Variants in PNPLA7 observed in about 807,000 individuals in gnomAD.
The protein encoded by PNPLA7 is patatin-like phospholipase domain-containing protein 7.
A neutral mutation model predicts 161.7 loss-of-function variants in PNPLA7; 153 were observed. The observed-to-expected ratio is 0.95, with a 90% CI of 0.83 to 1.08. The LOEUF is 1.08. Among genes scored for constraint, PNPLA7 ranks in the 50% least tolerant of loss-of-function variants. The pLI is 0.00. For missense variants in PNPLA7, 1,739 were observed against 1,856.6 expected, an observed-to-expected ratio of 0.94 and a Z score of 1.16; for synonymous variants, 809 against 782.1, an observed-to-expected ratio of 1.03 and a Z score of -0.57.
At chr9:137,509,714 C>A (rs1335262538) in intron 12 of PNPLA7, 2 of 455,516 alleles carry the variant, frequency 4.4e-6, no homozygotes, top group Admixed American at 4.7e-5. Context: ...ACAGCACAGG[C>A]ATGGAGCAGC....
chr9:137,515,444 C>T lies in PNPLA7; in HGVS notation c.1160G>A (p.Arg387His), dbSNP rs777949230. ...CTCCAGCTCCTCCAAGATCTGTTTG[C>T]GAATGGAAGGCGCGGGGACGGAGTG... ...RSHSVPAPSI[R>H]KQILEELEKP... Residue 387 changes from arginine (R) to histidine (H), a missense_variant, in exon 12 of 35, where the codon CGC (arginine) becomes CAC (histidine). Around this residue, in one of 6 missense-constraint regions of PNPLA7, gnomAD observed 481 missense variants for 450.0 expected, o/e 1.07. Transcript: ENST00000406427. 11 of 1,600,146 alleles carry T rather than the reference C, an allele frequency of 6.9e-6. No homozygotes were observed. Among genetic ancestry groups the T allele is most frequent in the East Asian group, 4.5e-5 (2 of 44,452 alleles).
chr9:137,526,105 ATTC>A (rs765920802), intron 8 of PNPLA7, among the ~76,000 whole-genome samples: 9 of 151,978 alleles, frequency 5.9e-5, no homozygotes, highest in Non-Finnish European at 1.0e-4. Flanking sequence ...CAGTATAACT[ATTC>A]TTATTCTGTA....
chr9:137,500,568 A>G lies in PNPLA7; in HGVS notation c.1757+123T>C. The G allele has an allele frequency of 1.1e-6, 1 of 932,336 alleles. No individual in the cohort carries two copies. Among genetic ancestry groups the G allele is most frequent in the Non-Finnish European group, 1.6e-6 (1 of 624,994 alleles). The allele number at this position is 932,336 out of a possible 1,614,324, so 57.8% of individuals were successfully genotyped here. A position where few individuals can be genotyped will look rare whatever the true frequency, so the allele number is the denominator to read the frequency against. ...GGGCCCACACAGGTGCCGGGGACAA[A>G]GAGGGGAGCCCGAGAAGCAGGGAAG... On this transcript the variant is annotated intron_variant, in intron 16 of 34. Transcript: ENST00000406427. The surrounding 1 kb of genome is among the most constrained non-coding windows in gnomAD (Gnocchi z 5.5).
chr9:137,477,982 G>T, intron 25 of PNPLA7, 52 bp downstream of exon 25: 2 of 1,261,464 alleles, frequency 1.6e-6, no homozygotes, highest in South Asian at 2.9e-5. Flanking sequence ...CCGAGGGGGC[G>T]ACTGTCACCA....
chr9:137,498,117 T>C lies in PNPLA7; in HGVS notation c.1886A>G (p.Tyr629Cys). 4.3e-6 allele frequency: 7 copies of C among 1,612,934 alleles called. No homozygotes were observed. The highest frequency in any genetic ancestry group is 5.1e-6 in the Non-Finnish European group (6 of 1,179,916). Residue 629 changes from tyrosine (Y) to cysteine (C), a missense_variant, in exon 17 of 35, where the codon TAC becomes TGC. This residue lies in a region of PNPLA7 where 481 missense variants were observed against 450.0 expected (regional missense o/e 1.07). Coordinates refer to ENST00000406427, the MANE Select transcript of PNPLA7 (RefSeq NM_001098537.3). ...TGTGTGGCACCCACGGCCTCACCTG[T>C]ATATTGCTCGCCCGGCCTCCACCTC... is the stretch of plus-strand genomic sequence containing the variant. ...WVEVEAGRAIYRQGDKSDCTY... is the reference protein window; with the variant it reads ...WVEVEAGRAICRQGDKSDCTY...
In PNPLA7 at chr9:137,495,218, C is replaced by T. The variant is rs562939621; in HGVS notation, c.2014-72G>A. On this transcript the variant is annotated intron_variant, in intron 18 of 34. Transcript: ENST00000406427. ...AGCCAGCTGGACCTGTCCCTGACAG[C>T]CTCCGGTGCCTGCCAGAGCCACACA... 20 of 1,083,016 alleles carry T rather than the reference C, an allele frequency of 1.8e-5. No homozygotes were observed. The East Asian group carries it at 4.9e-4, about 26-fold the overall frequency. The allele number at this position is 1,083,016 out of a possible 1,614,324, so 67.1% of individuals were successfully genotyped here.
chr9:137,513,727 G>C (rs1834354371), intron 12 of PNPLA7, among the ~76,000 whole-genome samples: 1 of 152,068 alleles, frequency 6.6e-6, no homozygotes, highest in South Asian at 2.1e-4. Context: ...AGAGGGAAAA[G>C]AATCTCCAAA....
chr9:137,516,240 C>A (rs957327484), intron 11 of PNPLA7: 5 of 873,288 alleles, frequency 5.7e-6, no homozygotes, highest in Admixed American at 6.3e-5. Flanking sequence ...TCAGGGCGTC[C>A]CATTGGTGGA....
In PNPLA7 at chr9:137,520,112, CTCA is replaced by C; in HGVS notation, c.958-72_958-70del. The C allele has an allele frequency of 2.5e-6, 4 of 1,590,530 alleles. No homozygotes were observed. The highest frequency in any genetic ancestry group is 3.4e-6 in the Non-Finnish European group (4 of 1,171,088). On this transcript the variant is annotated intron_variant, in intron 10 of 34. Coordinates refer to ENST00000406427, the MANE Select transcript of PNPLA7 (RefSeq NM_001098537.3). The surrounding 1 kb of genome is among the most constrained non-coding windows in gnomAD (Gnocchi z 5.2). ...CACACCCACTGACAGGTGTGGGCTC[CTCA>C]AAGGTGTGACAGGTGTGGGCTCCTC...
chr9:137,516,433 C>T, intron 11 of PNPLA7: 1 of 985,222 alleles, frequency 1.0e-6, no homozygotes, highest in Middle Eastern at 5.2e-4. Context: ...AAGACCTCAT[C>T]CAGGACAGCT....
intron 12 of PNPLA7, among the ~76,000 whole-genome samples, chr9:137,512,856 A>G (rs1048315661): frequency 2.0e-5 from 3 of 151,812 alleles, no homozygotes; most frequent in African/African-American, 7.3e-5. Flanking sequence ...CCAACTACTC[A>G]GGAGGCTGAG....
chr9:137,497,140 G>T, intron 18 of PNPLA7, 47 bp downstream of exon 18: 1 of 1,477,890 alleles, frequency 6.8e-7, no homozygotes, highest in Non-Finnish European at 9.0e-7. Context: ...GGATGCTCTG[G>T]GAGGGATGCA....
At chr9:137,480,684 T>C in intron 22 of PNPLA7, 3 of 724,460 alleles carry the variant, frequency 4.1e-6, no homozygotes, top group East Asian at 2.7e-5. Flanking sequence ...GCCCAGAGGC[T>C]GAGGCTCGTT....
At chr9:137,503,663 G>A in intron 14 of PNPLA7, among the ~76,000 whole-genome samples, 1 of 142,678 alleles carries the variant, frequency 7.0e-6, no homozygotes, top group Non-Finnish European at 1.5e-5. Flanking sequence ...AGAAGGAGAA[G>A]GGGAAGGAAG....
intron 8 of PNPLA7, among the ~76,000 whole-genome samples, chr9:137,531,557 G>C (rs951510749): frequency 1.1e-4 from 16 of 152,132 alleles, no homozygotes; most frequent in African/African-American, 3.9e-4. Flanking sequence ...GCTGTATGTA[G>C]CAGCCAGCAA....
intron 23 of PNPLA7, chr9:137,479,798 C>T: frequency 1.0e-6 from 1 of 985,442 alleles, no homozygotes; most frequent in South Asian, 4.7e-5. Context: ...TGATCTGCTG[C>T]CATCTGGGAA....
In PNPLA7 at chr9:137,547,510, G is replaced by A; in HGVS notation, c.105+75C>T. 6.3e-7 allele frequency: 1 copy of A among 1,595,096 alleles called. No individual in the cohort carries two copies. Among genetic ancestry groups the A allele is most frequent in the East Asian group, 2.2e-5 (1 of 44,764 alleles). On this transcript the variant is annotated intron_variant, in intron 2 of 34. Transcript: ENST00000406427. The surrounding 1 kb of genome is among the most constrained non-coding windows in gnomAD (Gnocchi z 4.6). ...CACAGGCTGGGCAGGAATGAGCCAGGGGATGGGGACAGGGAGAGGTGAAAA... is the reference window on the plus strand; with the variant it reads ...CACAGGCTGGGCAGGAATGAGCCAGAGGATGGGGACAGGGAGAGGTGAAAA...
intron 21 of PNPLA7, among the ~76,000 whole-genome samples, chr9:137,482,571 G>A (rs1832272361): frequency 1.3e-5 from 2 of 152,230 alleles, no homozygotes; most frequent in African/African-American, 2.4e-5. Context: ...CCGGCAAGCC[G>A]GGGTGCTGGG....
intron 20 of PNPLA7, chr9:137,491,706 G>A: frequency 1.0e-6 from 1 of 985,466 alleles, no homozygotes; most frequent in East Asian, 1.1e-4. Flanking sequence ...CGCTGCCTCT[G>A]TGTGGCCCTC....
Sources: gnomAD v4.1 joint callset for allele counts (sites outside exome capture counted in the v4.1 genomes callset) on GRCh38, gnomAD v4.1.1 for gene constraint, gnomAD v4.1.1 regional missense constraint, Gnocchi (gnomAD v3.1) non-coding constraint, MANE v1.5 for transcripts, NCBI Gene and HGNC (gene_info 2026-07-23, HGNC 2026-07-21) for gene names.